The following OTOF variants were observed in gnomAD, a reference collection of about 807,000 sequenced individuals.
OTOF encodes otoferlin.
In OTOF, 218 loss-of-function variants were observed where a neutral mutation model predicts 236.8. The ratio of observed to expected loss-of-function variants is 0.92; its 90% CI spans 0.82 to 1.03. The LOEUF (loss-of-function observed/expected upper bound fraction) is 1.03, where lower values mean the gene tolerates loss of function less well. Ranked by LOEUF, OTOF falls within the 50% of genes least tolerant of loss-of-function variation. The probability of loss-of-function intolerance (pLI) is 0.00; values close to 1 mark genes in which losing one functional copy is unlikely to be tolerated. For synonymous variants in OTOF, 1,041 were observed against 1,072.5 expected (o/e 0.97, Z 0.57); for missense variants, 2,590 against 2,694.4 (o/e 0.96, Z 0.86).
chr2:26,476,216 C>G lies in OTOF; in HGVS notation c.2778G>C (p.Leu926=), dbSNP rs772895476. The G allele has an allele frequency of 6.2e-7, 1 of 1,609,804 alleles. No homozygotes were observed. The highest frequency in any genetic ancestry group is 1.1e-5 in the South Asian group (1 of 91,084). Residue 926 remains leucine, a synonymous_variant, in exon 23 of 47, where the codon CTG becomes CTC. Coordinates refer to ENST00000272371, the MANE Select transcript of OTOF (RefSeq NM_194248.3). ...CCTGGAAGCCACAGGGCAGGCCGCA[C>G]AGGAACTCCTTGCGCTGTTTGCTGA... The part of the protein sequence containing the change: ...LGLSKQRKEF[L]CGLPCGFQEV...
chr2:26,487,272 C>A (rs1422669615), intron 11 of OTOF, among the ~76,000 whole-genome samples: 1 of 152,154 alleles, frequency 6.6e-6, no homozygotes, highest in Non-Finnish European at 1.5e-5. Flanking sequence ...AAGTTCAGGC[C>A]AAACTGGAGA....
In OTOF at chr2:26,484,478, C is replaced by G; in HGVS notation, c.1201G>C (p.Glu401Gln). The change falls in exon 12 of 47, where the codon GAG becomes CAG. Residue 401 changes from glutamate (E) to glutamine (Q), a missense_variant. Glu to Gln is a conservative substitution (Grantham distance 29). Around this residue, in one of 2 missense-constraint regions of OTOF, gnomAD observed 1,379 missense variants for 1,341.6 expected, o/e 1.03. Transcript: ENST00000272371. ...GCTGGGGTAGCTGGGCCTCACCCCT[C>G]AATGTCATCTTCGTCGGTCTCATTG... ...KANETDEDDI[E>Q]GNLLLPEGVP... 1 of 1,613,998 alleles carries G rather than the reference C, an allele frequency of 6.2e-7. No homozygotes were observed. Among genetic ancestry groups the G allele is most frequent in the Non-Finnish European group, 8.5e-7 (1 of 1,180,012 alleles).
intron 10 of OTOF, 41 bp from the exon 11 acceptor site, chr2:26,489,336 G>A: frequency 6.6e-7 from 1 of 1,504,116 alleles, no homozygotes; most frequent in South Asian, 1.2e-5. Context: ...GGCCCAGCAA[G>A]GGTGAGGCTT....
chr2:26,546,220 G>T (rs1401047577), intron 1 of OTOF, among the ~76,000 whole-genome samples: 1 of 152,190 alleles, frequency 6.6e-6, no homozygotes, highest in Non-Finnish European at 1.5e-5. Flanking sequence ...CAGCACTTTA[G>T]GAGGCCGAGG....
At chr2:26,472,255 G>A (rs538188154) in intron 30 of OTOF, 1 of 513,170 alleles carries the variant, frequency 1.9e-6, no homozygotes, top group African/African-American at 2.0e-5. Flanking sequence ...TACATCACAT[G>A]CATGCACACA....
chr2:26,517,415 C>T (rs1255982830), intron 4 of OTOF, among the ~76,000 whole-genome samples: 1 of 152,212 alleles, frequency 6.6e-6, no homozygotes, highest in African/African-American at 2.4e-5. Flanking sequence ...TTTTCTGAAT[C>T]CTCACTGTGC....
intron 1 of OTOF, among the ~76,000 whole-genome samples, chr2:26,543,175 A>T (rs1393392131): frequency 6.6e-6 from 1 of 151,746 alleles, no homozygotes; most frequent in Non-Finnish European, 1.5e-5. Context: ...CTCTCTCCCC[A>T]CTTCAGATCG....
chr2:26,475,310 G>A, intron 25 of OTOF, 49 bp downstream of exon 25: 1 of 1,607,430 alleles, frequency 6.2e-7, no homozygotes, highest in Non-Finnish European at 8.5e-7. Context: ...AGGGAACAAG[G>A]GCCAGGTGTG....
At chr2:26,459,902 G>T in intron 46 of OTOF, 106 bp downstream of exon 46, 1 of 1,077,958 alleles carries the variant, frequency 9.3e-7, no homozygotes. Context: ...GTGTTTGTGT[G>T]CACATGTATG....
In OTOF at chr2:26,479,257, C is replaced by A; in HGVS notation, c.2214+7G>T. On this transcript the variant is annotated splice_region_variant and intron_variant, in intron 18 of 46. Transcript: ENST00000272371. ...CCACCCCTGCTGGCCCCTGGCCTGGCCCTGACCAGCTTGTCGGCAATGTGG... is the reference window on the plus strand; with the variant it reads ...CCACCCCTGCTGGCCCCTGGCCTGGACCTGACCAGCTTGTCGGCAATGTGG... 1 of 1,612,374 alleles carries A rather than the reference C, an allele frequency of 6.2e-7. No individual in the cohort carries two copies.
At chr2:26,539,127 A>G (rs1299390254) in intron 1 of OTOF, among the ~76,000 whole-genome samples, 3 of 152,100 alleles carry the variant, frequency 2.0e-5, no homozygotes, top group Admixed American at 6.6e-5. Context: ...GTACAACACC[A>G]TTCAGTACAT....
rs1664404740 is a variant in OTOF at position 26,460,377 on chromosome 2, T to C, written c.5814-172A>G. Among the ~76,000 whole-genome samples the C allele has an allele frequency of 6.6e-6, 1 of 152,204 alleles. No homozygotes were observed. Among genetic ancestry groups the C allele is most frequent in the Non-Finnish European group, 1.5e-5 (1 of 68,042 alleles). On this transcript the variant is annotated intron_variant, in intron 45 of 46. Transcript: ENST00000272371. The surrounding 1 kb of genome is among the most constrained non-coding windows in gnomAD (Gnocchi z 5.3). ...CCCAGAGGCCACCACTGGAGCTGGC[T>C]CTTCTGCAAAAGCTAGGAAGGGAAG... is the stretch of plus-strand genomic sequence containing the variant.
At chr2:26,464,730 G>T in intron 39 of OTOF, 139 bp downstream of exon 39, 2 of 791,732 alleles carry the variant, frequency 2.5e-6, no homozygotes, top group Non-Finnish European at 3.9e-6. Context: ...GGGGTGATGA[G>T]CAGAGGGTCA....
At chr2:26,507,057 G>A (rs1371982822) in intron 5 of OTOF, among the ~76,000 whole-genome samples, 1 of 152,208 alleles carries the variant, frequency 6.6e-6, no homozygotes. Context: ...CAATTGAAAG[G>A]AGAAATCTCT....
intron 1 of OTOF, among the ~76,000 whole-genome samples, chr2:26,557,506 C>T (rs529366204): frequency 3.3e-4 from 51 of 152,270 alleles, no homozygotes; most frequent in African/African-American, 1.1e-3. Flanking sequence ...GGTCCAGCCT[C>T]GCCTCCTTGC....
In OTOF at chr2:26,476,254, G is replaced by A; in HGVS notation, c.2740C>T (p.Leu914=). The A allele has an allele frequency of 6.2e-7, 1 of 1,607,926 alleles. No homozygotes were observed. The highest frequency in any genetic ancestry group is 8.5e-7 in the Non-Finnish European group (1 of 1,179,832). ...CGCTGTTTGCTGAGGCCCAGCCACA[G>A]GTACAGCTCCACCTTGGCCTGCACT... The part of the protein sequence containing the change: ...WTVQAKVELY[L]WLGLSKQRKE... Residue 914 remains leucine (L), a synonymous_variant, in exon 23 of 47, where the codon CTG becomes TTG. Coordinates refer to ENST00000272371, the MANE Select transcript of OTOF (RefSeq NM_194248.3).
intron 4 of OTOF, among the ~76,000 whole-genome samples, chr2:26,518,042 T>C (rs1237445406): frequency 6.6e-6 from 1 of 152,174 alleles, no homozygotes; most frequent in Non-Finnish European, 1.5e-5. Context: ...AAGCCCTCCC[T>C]GCCACCCCTG....
intron 33 of OTOF, 110 bp from the exon 34 acceptor site, chr2:26,467,611 T>C: frequency 7.6e-7 from 1 of 1,310,470 alleles, no homozygotes; most frequent in Non-Finnish European, 1.1e-6. Flanking sequence ...CTCTCGGATG[T>C]CCATGTGCTG....
chr2:26,497,143 C>T (rs1220515636), intron 8 of OTOF, among the ~76,000 whole-genome samples: 3 of 140,790 alleles, frequency 2.1e-5, no homozygotes, highest in Non-Finnish European at 4.6e-5. Flanking sequence ...CACTCTGTTG[C>T]CCCGGCTGGA....
Sources: allele counts gnomAD v4.1 joint callset (sites outside exome capture counted in the v4.1 genomes callset), GRCh38; gene constraint gnomAD v4.1.1; regional missense constraint gnomAD v4.1.1; non-coding constraint Gnocchi (gnomAD v3.1); transcripts MANE v1.5; gene names NCBI Gene and HGNC (gene_info 2026-07-23, HGNC 2026-07-21).